The following TMEM63A variants were observed in gnomAD, a reference collection of about 807,000 sequenced individuals.
TMEM63A encodes transmembrane protein 63A.
Under a neutral mutation model 100.6 loss-of-function variants are expected in TMEM63A, and 76 were observed. The observed-to-expected ratio is 0.76, with a 90% CI of 0.63 to 0.91. TMEM63A has a LOEUF of 0.91. TMEM63A is among the 40% of genes least tolerant of loss of function. The probability of loss-of-function intolerance (pLI) is 0.00; values close to 1 mark genes in which losing one functional copy is unlikely to be tolerated. For missense variants in TMEM63A, 876 were observed against 1,008.8 expected, an observed-to-expected ratio of 0.87 and a Z score of 1.78; for synonymous variants, 401 against 401.1, an observed-to-expected ratio of 1.00 and a Z score of 0.00.
At chr1:225,872,142 G>C in intron 4 of TMEM63A, 89 bp from the exon 5 acceptor site, 1 of 974,938 alleles carries the variant, frequency 1.0e-6, no homozygotes, top group Middle Eastern at 2.5e-4. Context: ...CCAGTATTTT[G>C]CTGCCTCTTG....
rs769880909 is a variant in TMEM63A at position 225,872,020 on chromosome 1, G to A, written c.300C>T (p.Ser100=). Residue 100 remains serine (S), a synonymous_variant, in exon 5 of 25, where the codon TCC becomes TCT. Transcript: ENST00000366835. ...ESRFQRLSST[S]SSGQQDFENE... Reference sequence around the variant, plus strand: ...TTTCAAAGTCTTGTTGACCTGAGGAGGAAGTCGATGACAATCTCTGAAATC... The same window carrying A: ...TTTCAAAGTCTTGTTGACCTGAGGAAGAAGTCGATGACAATCTCTGAAATC... 4 of 1,613,396 alleles carry A rather than the reference G, an allele frequency of 2.5e-6. No individual in the cohort carries two copies. The highest frequency in any genetic ancestry group is 3.4e-6 in the Non-Finnish European group (4 of 1,179,668).
chr1:225,855,807 A>G (rs1212511804), intron 18 of TMEM63A, 71 bp downstream of exon 18: 6 of 1,512,278 alleles, frequency 4.0e-6, no homozygotes, highest in South Asian at 2.3e-5. Context: ...CACCCATCCC[A>G]CTGCAGCCCC....
At chr1:225,875,735 C>G (rs1670760026) in intron 3 of TMEM63A, among the ~76,000 whole-genome samples, 1 of 151,584 alleles carries the variant, frequency 6.6e-6, no homozygotes, top group Admixed American at 6.6e-5. Context: ...TCTTATGTGT[C>G]CCCCCTCCCC....
Position 225,853,549 on chromosome 1 carries a change from G to T in TMEM63A, c.1797+80C>A. ...AATGCTACCCACTAGTGGGGGTAGT[G>T]GGGGTGAGAGGCCCTCGGGTCAGTG... On this transcript the variant is annotated intron_variant, in intron 19 of 24. Coordinates refer to ENST00000366835, the MANE Select transcript of TMEM63A (RefSeq NM_014698.3). This position sits in a 1 kb window ranked among gnomAD's most constrained non-coding sequence, Gnocchi z 4.0. 1 of 1,375,400 alleles carries T rather than the reference G, an allele frequency of 7.3e-7. No individual in the cohort carries two copies. The highest frequency in any genetic ancestry group is 1.5e-5 in the South Asian group (1 of 65,644). 85.2% of individuals were successfully genotyped at this position (1,375,400 alleles called of 1,614,324 possible).
intron 13 of TMEM63A, 56 bp from the exon 14 acceptor site, chr1:225,861,053 A>T: frequency 1.3e-6 from 2 of 1,559,008 alleles, no homozygotes; most frequent in Non-Finnish European, 1.7e-6. Context: ...CCAAGCACAC[A>T]TGTGGCAAGT....
chr1:225,849,779 GCCC>G, intron 21 of TMEM63A, 130 bp downstream of exon 21: 1 of 1,153,706 alleles, frequency 8.7e-7, no homozygotes, highest in Non-Finnish European at 1.2e-6. Context: ...CACCTAACCA[GCCC>G]TCACTCTGGG....
Position 225,858,948 on chromosome 1 carries a change from A to ATGTGTGTGTG in TMEM63A, c.1377+238_1377+247dup, listed in dbSNP as rs57543496. ...GCATGTGTGTGTATATATACATATA[A>ATGTGTGTGTG]TGTGTGTGTGTGTGTGTGTGTGTGT... On this transcript the variant is annotated intron_variant, in intron 15 of 24. Coordinates refer to ENST00000366835, the MANE Select transcript of TMEM63A (RefSeq NM_014698.3). Among the ~76,000 whole-genome samples, 353 of 139,746 alleles carry ATGTGTGTGTG rather than the reference A, an allele frequency of 2.5e-3. 1 individual carries two copies. Among genetic ancestry groups the ATGTGTGTGTG allele is most frequent in the African/African-American group, 9.2e-3 (340 of 37,000 alleles). 91.7% of individuals were successfully genotyped at this position (139,746 alleles called of 152,430 possible). A position where few individuals can be genotyped will look rare whatever the true frequency, so the allele number is the denominator to read the frequency against.
chr1:225,869,798 G>T (rs919402539), intron 6 of TMEM63A, among the ~76,000 whole-genome samples: 2 of 151,204 alleles, frequency 1.3e-5, no homozygotes, highest in Admixed American at 6.6e-5. Flanking sequence ...GAGTAGCTGG[G>T]ATTACAGGCA....
At chr1:225,854,117 G>A (rs1669492970) in intron 18 of TMEM63A, among the ~76,000 whole-genome samples, 2 of 145,080 alleles carry the variant, frequency 1.4e-5, no homozygotes, top group South Asian at 2.2e-4. Context: ...GGGGTTGGAG[G>A]AGCCTTTCTA....
At chr1:225,848,629 A>G (rs1669150444) in intron 22 of TMEM63A, 75 bp from the exon 23 acceptor site, 1 of 1,477,872 alleles carries the variant, frequency 6.8e-7, no homozygotes, top group Admixed American at 1.7e-5. Context: ...AAACACACAG[A>G]CTATTAACAC....
intron 17 of TMEM63A, 140 bp downstream of exon 17, chr1:225,856,512 T>G (rs1669623940): frequency 1.3e-6 from 1 of 746,198 alleles, no homozygotes; most frequent in South Asian, 1.7e-5. Flanking sequence ...CCAGCCCTAC[T>G]GCACGCCGAG....
chr1:225,874,123 T>C (rs1670655857), intron 4 of TMEM63A, among the ~76,000 whole-genome samples, 165 bp downstream of exon 4: 2 of 152,162 alleles, frequency 1.3e-5, no homozygotes, highest in African/African-American at 4.8e-5. Context: ...CATGTGTGGG[T>C]CCTGCCCACA....
At position 225,846,659 on chromosome 1, in the gene TMEM63A, G is replaced by A. The variant is rs147251194; in HGVS notation, c.*280C>T. Reference sequence around the variant, plus strand: ...CATCTCTCTCTCCATATATTCTCCCGGACTCATCAGTTTGGGGGGCGAAAA... The same window carrying A: ...CATCTCTCTCTCCATATATTCTCCCAGACTCATCAGTTTGGGGGGCGAAAA... On this transcript the variant is annotated 3_prime_UTR_variant, in exon 25 of 25. Transcript: ENST00000366835. 4.3e-3 allele frequency: 800 copies of A among 184,796 alleles called. 8 individuals are homozygous for A. Among genetic ancestry groups the A allele is most frequent in the Non-Finnish European group, 4.4e-3 (393 of 89,716 alleles). The allele number at this position is 184,796 out of a possible 1,614,324, so 11.4% of individuals were successfully genotyped here.
intron 15 of TMEM63A, among the ~76,000 whole-genome samples, chr1:225,858,239 T>C (rs549484436): frequency 1.0e-3 from 157 of 152,252 alleles, no homozygotes; most frequent in African/African-American, 3.7e-3. Context: ...TAGATGCCAG[T>C]TGAGTGAGTG....
At chr1:225,850,556 G>A (rs1446161453) in intron 20 of TMEM63A, among the ~76,000 whole-genome samples, 1 of 152,134 alleles carries the variant, frequency 6.6e-6, no homozygotes, top group East Asian at 1.9e-4. Context: ...CAGGGGGTCG[G>A]CAATGTTAAT....
rs116230906 is a variant in TMEM63A at position 225,865,544 on chromosome 1, G to A, written c.746+353C>T. On this transcript the variant is annotated intron_variant, in intron 10 of 24. Coordinates refer to ENST00000366835, the MANE Select transcript of TMEM63A (RefSeq NM_014698.3). This position sits in a 1 kb window ranked among gnomAD's most constrained non-coding sequence, Gnocchi z 4.6. ...GGGTCCATACAAATGCTCAGCTCAC[G>A]TCTCTCTTATTCTGCAAAGGTGATG... The A allele has an allele frequency of 6.8e-4, 146 of 215,662 alleles. No homozygotes were observed. The highest frequency in any genetic ancestry group is 3.0e-3 in the African/African-American group (136 of 44,890). 13.4% of individuals were successfully genotyped at this position (215,662 alleles called of 1,614,324 possible).
chr1:225,875,102 T>A (rs1195951014), intron 3 of TMEM63A, among the ~76,000 whole-genome samples: 1 of 152,040 alleles, frequency 6.6e-6, no homozygotes, highest in Non-Finnish European at 1.5e-5. Flanking sequence ...AAACGGTCAG[T>A]TTTTTCCTCT....
chr1:225,848,896 C>CTTTGTA lies in TMEM63A; in HGVS notation c.2182_2187dup (p.Tyr728_Lys729dup), dbSNP rs779965315. ...CGGGCAGTGGGGTCGGGGGCCTTTA[C>CTTTGTA]TTTGTAGTTCAGAGGGCTGAGGTGC... On this transcript the variant is annotated inframe_insertion and splice_region_variant. Transcript: ENST00000366835. The CTTTGTA allele has an allele frequency of 4.4e-5, 70 of 1,582,108 alleles. 1 individual carries two copies. Among genetic ancestry groups the CTTTGTA allele is most frequent in the Non-Finnish European group, 5.5e-5 (64 of 1,164,594 alleles).
chr1:225,851,975 A>G (rs1364330381), intron 20 of TMEM63A, among the ~76,000 whole-genome samples: 2 of 152,272 alleles, frequency 1.3e-5, no homozygotes, highest in Non-Finnish European at 2.9e-5. Context: ...AGAAACAGGA[A>G]CTGCCTTGTA....
Sources: allele counts gnomAD v4.1 joint callset (sites outside exome capture counted in the v4.1 genomes callset), GRCh38; gene constraint gnomAD v4.1.1; non-coding constraint Gnocchi (gnomAD v3.1); transcripts MANE v1.5; gene names NCBI Gene and HGNC (gene_info 2026-07-23, HGNC 2026-07-21).